PPARGC1A: variants seen among roughly 807,000 people sequenced by gnomAD.
PPARGC1A encodes the protein peroxisome proliferator-activated receptor gamma coactivator 1-alpha.
In PPARGC1A, 25 loss-of-function variants were observed where a neutral mutation model predicts 88.7. That is an observed-to-expected ratio of 0.28 (90% confidence interval 0.21 to 0.39). The LOEUF is 0.39. Among genes scored for constraint, PPARGC1A ranks in the 10% least tolerant of loss-of-function variants. PPARGC1A has a pLI of 1.00. For missense variants in PPARGC1A, 880 were observed against 968.7 expected, an observed-to-expected ratio of 0.91 and a Z score of 1.22; for synonymous variants, 363 against 355.6, an observed-to-expected ratio of 1.02 and a Z score of -0.24.
At chr4:23,885,269 T>C (rs898710885) in intron 1 of PPARGC1A, among the ~76,000 whole-genome samples, 1 of 152,226 alleles carries the variant, frequency 6.6e-6, no homozygotes, top group African/African-American at 2.4e-5. Flanking sequence ...TGATAGTTAC[T>C]GCTTCCAAAG....
In PPARGC1A at chr4:23,812,816, A is replaced by T; in HGVS notation, c.1950T>A (p.Tyr650Ter). ...ACTCTCGCTTCTCATACTCTCTGCG[A>T]TATTCTTCCCTCTTCAGCCTCTCGT... Reference protein sequence around the residue: ...YQHERLKREEYRREYEKRESE... With the variant: ...YQHERLKREE Residue 650 changes from tyrosine to a stop codon, truncating the protein, a stop_gained, in exon 10 of 13, where the codon TAT becomes TAA. Transcript: ENST00000264867. LOFTEE classifies it high-confidence loss of function. 1 of 1,614,014 alleles carries T rather than the reference A, an allele frequency of 6.2e-7. No homozygotes were observed. Among genetic ancestry groups the T allele is most frequent in the Non-Finnish European group, 8.5e-7 (1 of 1,180,006 alleles).
the PPARGC1A span, among the ~76,000 whole-genome samples, chr4:23,930,411 G>A: frequency 6.6e-6 from 1 of 152,080 alleles, no homozygotes; most frequent in Non-Finnish European, 1.5e-5. Flanking sequence ...CTGACATTTA[G>A]GTACAACGCT....
At chr4:24,170,509 C>T in the PPARGC1A span, among the ~76,000 whole-genome samples, 12 of 152,286 alleles carry the variant, frequency 7.9e-5, no homozygotes, top group East Asian at 2.3e-3. Flanking sequence ...GGGAGGGGGC[C>T]TAACTAAGAC....
chr4:23,862,078 T>G (rs1194874329), intron 2 of PPARGC1A, among the ~76,000 whole-genome samples: 1 of 152,194 alleles, frequency 6.6e-6, no homozygotes, highest in African/African-American at 2.4e-5. Context: ...GTGCCCAGTT[T>G]CACAATTCTA....
the PPARGC1A span, among the ~76,000 whole-genome samples, chr4:24,080,250 AC>A: frequency 6.6e-6 from 1 of 152,090 alleles, no homozygotes; most frequent in Non-Finnish European, 1.5e-5. Flanking sequence ...TTTTTCCAGT[AC>A]AGAGTCTATA....
At chr4:24,011,914 A>C in the PPARGC1A span, among the ~76,000 whole-genome samples, 1 of 152,240 alleles carries the variant, frequency 6.6e-6, no homozygotes, top group Admixed American at 6.5e-5. Flanking sequence ...AGTTATGAGT[A>C]ATAACAAGCG....
chr4:24,270,105 G>A, the PPARGC1A span, among the ~76,000 whole-genome samples: 1 of 152,110 alleles, frequency 6.6e-6, no homozygotes, highest in South Asian at 2.1e-4. Flanking sequence ...CCAATGTCTT[G>A]AAGACTTGAA....
chr4:24,405,919 C>T, the PPARGC1A span, among the ~76,000 whole-genome samples: 51 of 151,532 alleles, frequency 3.4e-4, no homozygotes, highest in East Asian at 9.4e-3. Context: ...CCTTCCTTCC[C>T]TCCTTCTTGC....
the PPARGC1A span, among the ~76,000 whole-genome samples, chr4:24,324,840 G>T: frequency 1.3e-5 from 2 of 151,892 alleles, no homozygotes; most frequent in Non-Finnish European, 2.9e-5. Flanking sequence ...AACCCCAAGC[G>T]TCGCTGAGTC....
chr4:23,996,868 T>A, the PPARGC1A span, among the ~76,000 whole-genome samples: 1 of 152,164 alleles, frequency 6.6e-6, no homozygotes, highest in Non-Finnish European at 1.5e-5. Context: ...TGACAATGAG[T>A]GCTAGTTTGC....
chr4:24,047,934 C>T, the PPARGC1A span, among the ~76,000 whole-genome samples: 1 of 152,196 alleles, frequency 6.6e-6, no homozygotes, highest in Admixed American at 6.5e-5. Context: ...CTTTACACTT[C>T]ACTTCCTGCC....
chr4:23,899,437 C>G (rs931601344), upstream of PPARGC1A: 11 of 152,196 alleles, frequency 7.2e-5, no homozygotes, highest in African/African-American at 2.6e-4. Flanking sequence ...TTTGTTTTAG[C>G]CCGAATCACA....
the PPARGC1A span, among the ~76,000 whole-genome samples, chr4:24,427,474 TC>T: frequency 6.6e-6 from 1 of 152,026 alleles, no homozygotes; most frequent in Non-Finnish European, 1.5e-5. Flanking sequence ...AGAGAGGGGT[TC>T]CACCATGTTC....
the PPARGC1A span, among the ~76,000 whole-genome samples, chr4:24,194,826 G>A: frequency 6.6e-6 from 1 of 152,190 alleles, no homozygotes; most frequent in Non-Finnish European, 1.5e-5. Flanking sequence ...ACTGAGAAGA[G>A]ACTAATGTGC....
chr4:24,085,377 G>A, the PPARGC1A span, among the ~76,000 whole-genome samples: 1 of 152,158 alleles, frequency 6.6e-6, no homozygotes, highest in Non-Finnish European at 1.5e-5. Context: ...CACTGAACTT[G>A]TATCTGAAAG....
intron 9 of PPARGC1A, 69 bp from the exon 10 acceptor site, chr4:23,812,936 G>T: frequency 1.9e-6 from 3 of 1,612,600 alleles, no homozygotes; most frequent in Non-Finnish European, 2.5e-6. Flanking sequence ...TAATAATATG[G>T]GGAGGGGTAT....
chr4:23,928,259 T>C, the PPARGC1A span, among the ~76,000 whole-genome samples: 82 of 152,178 alleles, frequency 5.4e-4, no homozygotes, highest in African/African-American at 1.9e-3. Flanking sequence ...GGTGGGAAAA[T>C]GGAGGCAGCG....
At chr4:24,379,052 T>C in the PPARGC1A span, among the ~76,000 whole-genome samples, 1 of 152,296 alleles carries the variant, frequency 6.6e-6, no homozygotes, top group Non-Finnish European at 1.5e-5. Context: ...CCCTTCTATT[T>C]CATGAAATCT....
chr4:23,917,795 A>C, the PPARGC1A span, among the ~76,000 whole-genome samples: 1 of 152,244 alleles, frequency 6.6e-6, no homozygotes. Context: ...TTCTTTGAAA[A>C]TTAAACCTGC....
Sources: allele counts gnomAD v4.1 joint callset (sites outside exome capture counted in the v4.1 genomes callset), GRCh38; gene constraint gnomAD v4.1.1; transcripts MANE v1.5; gene names NCBI Gene and HGNC (gene_info 2026-07-23, HGNC 2026-07-21).